Variants in ACACA observed in about 807,000 individuals in gnomAD.
ACACA encodes the protein acetyl-CoA carboxylase 1.
A neutral mutation model predicts 296.1 loss-of-function variants in ACACA; 103 were observed. That is an observed-to-expected ratio of 0.35 (90% CI 0.30 to 0.41). The LOEUF (loss-of-function observed/expected upper bound fraction) is 0.41, where lower values mean the gene tolerates loss of function less well. Ranked by LOEUF, ACACA falls within the 10% of genes least tolerant of loss-of-function variation. The pLI is 1.00. For synonymous variants in ACACA, 953 were observed against 1,038.6 expected (o/e 0.92, Z 1.58); for missense variants, 1,554 against 2,989.7 (o/e 0.52, Z 11.20).
rs941082302 is a variant in ACACA at position 37,187,033 on chromosome 17, C to G, written c.4776+1244G>C. Among the ~76,000 whole-genome samples, 3 of 152,064 alleles carry G rather than the reference C, an allele frequency of 2.0e-5. No homozygotes were observed. In the East Asian group the frequency reaches 5.8e-4, roughly 29 times the overall value. ...ATTGTAGAAGTTAATTAAAAACATC[C>G]CTACCCATTGAAAGCTTTGACTGAA... On this transcript the variant is annotated intron_variant, in intron 39 of 55. Coordinates refer to ENST00000616317, the MANE Select transcript of ACACA (RefSeq NM_198834.3).
chr17:37,279,697 G>C (rs1294515597), intron 5 of ACACA, among the ~76,000 whole-genome samples: 2 of 150,902 alleles, frequency 1.3e-5, no homozygotes, highest in Non-Finnish European at 2.9e-5. Context: ...TGTAATCCCA[G>C]CCACTCGGGA....
At chr17:37,100,363 G>C (rs2073284036) in intron 52 of ACACA, among the ~76,000 whole-genome samples, 1 of 152,102 alleles carries the variant, frequency 6.6e-6, no homozygotes, top group African/African-American at 2.4e-5. Flanking sequence ...TTATCACCAA[G>C]AGGACAGACT....
intron 1 of ACACA, among the ~76,000 whole-genome samples, chr17:37,359,407 G>GGCGGGCGGGCCGCGGGCGGGCC (rs72140314): frequency 1.8e-4 from 28 of 151,630 alleles, no homozygotes; most frequent in South Asian, 8.3e-4. Context: ...GCGGCTAGAG[G>GGCGGGCGGGCCGCGGGCGGGCC]GCGGGCGGGC....
In ACACA at chr17:37,277,980, A is replaced by G; in HGVS notation, c.636T>C (p.Tyr212=). 1.2e-6 allele frequency: 2 copies of G among 1,613,864 alleles called. No homozygotes were observed. Among genetic ancestry groups the G allele is most frequent in the Non-Finnish European group, 1.7e-6 (2 of 1,179,744 alleles). ...TGTTTGGTCCTCCAGGCACTGGCAC[A>G]TAGTGATCTGCCATCTTAATGTATT... ...NAEYIKMADH[Y]VPVPGGPNNN... The change falls in exon 6 of 56, where the codon TAT becomes TAC. Residue 212 remains tyrosine, a synonymous_variant. Transcript: ENST00000616317.
intron 3 of ACACA, among the ~76,000 whole-genome samples, chr17:37,324,334 C>A (rs2047490723): frequency 6.6e-6 from 1 of 151,456 alleles, no homozygotes; most frequent in African/African-American, 2.4e-5. Context: ...CCACTGCACT[C>A]TGGCCTGGGC....
intron 45 of ACACA, among the ~76,000 whole-genome samples, chr17:37,135,208 G>A (rs2143625213): frequency 6.6e-6 from 1 of 152,344 alleles, no homozygotes; most frequent in East Asian, 1.9e-4. Context: ...ATATCCAAGG[G>A]TGAATGGAAT....
chr17:37,375,419 A>G lies in ACACA; in HGVS notation c.38+30843T>C, dbSNP rs568863428. ...GGAGAATGGCGTGAACCTGGGAGAC[A>G]GAGCTTGCAGTGAGCCGAGATCGTG... On this transcript the variant is annotated intron_variant, in intron 1 of 55. Coordinates refer to ENST00000616317, the MANE Select transcript of ACACA (RefSeq NM_198834.3). 4.0e-4 allele frequency among the ~76,000 whole-genome samples: 61 copies of G among 152,042 alleles called. 1 individual carries two copies. The South Asian group carries it at 0.012, about 31-fold the overall frequency.
chr17:37,197,623 C>T (rs1219962377), intron 35 of ACACA, among the ~76,000 whole-genome samples: 6 of 152,292 alleles, frequency 3.9e-5, no homozygotes, highest in Admixed American at 2.6e-4. Context: ...TGTCAAGCTA[C>T]CATCAGCAAA....
In ACACA at chr17:37,330,194, T is replaced by C; in HGVS notation, c.317A>G (p.Asp106Gly). 1.2e-6 allele frequency: 2 copies of C among 1,614,210 alleles called. No homozygotes were observed. ...LSDLGISSLQ[D>G]GLALHIRSSM... ...TTACCTTATGTGCAAGGCCAAGCCA[T>C]CCTGTAGGCTAGAGATCCCCAAATC... Residue 106 changes from aspartate (D) to glycine (G), a missense_variant, in exon 3 of 56, where the codon GAT becomes GGT. Asp to Gly is a moderately conservative substitution (Grantham distance 94). This residue lies in a region of ACACA where 140 missense variants were observed against 147.7 expected (regional missense o/e 0.95). Transcript: ENST00000616317.
intron 14 of ACACA, among the ~76,000 whole-genome samples, chr17:37,254,326 C>G (rs2081128898): frequency 6.6e-6 from 1 of 152,128 alleles, no homozygotes; most frequent in Admixed American, 6.5e-5. Context: ...GAATCATATT[C>G]CAGGTAGTCC....
At chr17:37,164,058 T>G (rs1353711631) in intron 41 of ACACA, among the ~76,000 whole-genome samples, 1 of 146,240 alleles carries the variant, frequency 6.8e-6, no homozygotes, top group South Asian at 2.4e-4. Context: ...TTTTTCCCCC[T>G]TTCTTTCTGT....
chr17:37,312,864 A>G (rs575498389), intron 3 of ACACA, among the ~76,000 whole-genome samples: 53 of 152,040 alleles, frequency 3.5e-4, no homozygotes, highest in Middle Eastern at 3.4e-3. Flanking sequence ...CCATCTCTAC[A>G]AAAAAAATTT....
At chr17:37,210,148 C>T (rs2078681747) in intron 30 of ACACA, among the ~76,000 whole-genome samples, 1 of 152,190 alleles carries the variant, frequency 6.6e-6, no homozygotes, top group South Asian at 2.1e-4. Context: ...AAGCCCCAAA[C>T]TACACAGAGA....
intron 52 of ACACA, among the ~76,000 whole-genome samples, chr17:37,100,546 A>T (rs905935226): frequency 6.6e-6 from 1 of 152,214 alleles, no homozygotes; most frequent in Middle Eastern, 3.4e-3. Context: ...AAGGTCAAAG[A>T]ATCAGTCCAG....
intron 1 of ACACA, chr17:37,379,532 G>C: frequency 8.3e-7 from 1 of 1,200,030 alleles, no homozygotes; most frequent in Non-Finnish European, 1.1e-6. Context: ...AAATTTGTTT[G>C]AGTTCATTGT....
chr17:37,170,897 GA>G (rs1024581681), intron 41 of ACACA, among the ~76,000 whole-genome samples: 21 of 152,298 alleles, frequency 1.4e-4, no homozygotes, highest in Non-Finnish European at 2.1e-4. Flanking sequence ...GCTCAACAAA[GA>G]AATTTGCAGG....
At chr17:37,124,451 T>C (rs1421043582) in intron 48 of ACACA, among the ~76,000 whole-genome samples, 1 of 152,242 alleles carries the variant, frequency 6.6e-6, no homozygotes, top group East Asian at 1.9e-4. Context: ...AAATCTGTCA[T>C]GTTTTTTCAC....
chr17:37,150,970 T>G (rs2076014408), intron 44 of ACACA, among the ~76,000 whole-genome samples: 1 of 151,636 alleles, frequency 6.6e-6, no homozygotes. Context: ...GAAAATTGCT[T>G]GAACACGGGA....
intron 3 of ACACA, among the ~76,000 whole-genome samples, chr17:37,323,329 T>A (rs2047442886): frequency 6.6e-6 from 1 of 152,246 alleles, no homozygotes; most frequent in African/African-American, 2.4e-5. Flanking sequence ...GCAAGGTAGC[T>A]CACACCTGTC....
Sources: allele counts gnomAD v4.1 joint callset (sites outside exome capture counted in the v4.1 genomes callset), GRCh38; gene constraint gnomAD v4.1.1; regional missense constraint gnomAD v4.1.1; transcripts MANE v1.5; gene names NCBI Gene and HGNC (gene_info 2026-07-23, HGNC 2026-07-21).